MEMO1: variants seen among roughly 807,000 people sequenced by gnomAD.
MEMO1 encodes the protein mediator of cell motility 1.
A neutral mutation model predicts 45.2 loss-of-function variants in MEMO1; 6 were observed. The ratio of observed to expected loss-of-function variants is 0.13; its 90% confidence interval spans 0.07 to 0.26. The LOEUF is 0.26. MEMO1 is among the 10% of genes least tolerant of loss of function. The pLI, the probability that MEMO1 is intolerant of heterozygous loss-of-function variation, is 1.00. For missense variants in MEMO1, 184 were observed against 370.5 expected (o/e 0.50, Z 4.13); for synonymous variants, 78 against 124.3 (o/e 0.63, Z 2.48).
chr2:32,001,594 G>A (rs1673323882), intron 2 of MEMO1, among the ~76,000 whole-genome samples: 1 of 152,102 alleles, frequency 6.6e-6, no homozygotes, highest in Non-Finnish European at 1.5e-5. Flanking sequence ...GAAGTCCTGG[G>A]TTCAAATCTT....
At chr2:32,002,617 C>T (rs1177722047) in intron 2 of MEMO1, among the ~76,000 whole-genome samples, 1 of 152,060 alleles carries the variant, frequency 6.6e-6, no homozygotes, top group Non-Finnish European at 1.5e-5. Context: ...AAACAAGTTA[C>T]TCAACTTAGG....
chr2:31,995,996 T>G (rs1157913145), intron 2 of MEMO1, among the ~76,000 whole-genome samples: 6 of 152,098 alleles, frequency 3.9e-5, no homozygotes, highest in African/African-American at 1.4e-4. Context: ...ACCAAAAACT[T>G]AATACCTACC....
At chr2:31,879,890 G>T (rs970056721) in intron 8 of MEMO1, among the ~76,000 whole-genome samples, 5 of 152,086 alleles carry the variant, frequency 3.3e-5, no homozygotes, top group Admixed American at 6.5e-5. Flanking sequence ...CCTTAAATCT[G>T]TCCCTCTTAT....
intron 2 of MEMO1, among the ~76,000 whole-genome samples, chr2:32,004,225 T>A (rs559120934): frequency 6.6e-6 from 1 of 152,062 alleles, no homozygotes; most frequent in South Asian, 2.1e-4. Context: ...TTTAATTCAC[T>A]GACACACCAA....
chr2:31,969,428 T>C (rs1669041330), intron 2 of MEMO1, among the ~76,000 whole-genome samples: 1 of 150,654 alleles, frequency 6.6e-6, no homozygotes, highest in East Asian at 1.9e-4. Flanking sequence ...TATATACATA[T>C]ATGTGTGTGT....
chr2:31,969,716 C>T (rs1248599347), intron 2 of MEMO1, among the ~76,000 whole-genome samples: 1 of 147,418 alleles, frequency 6.8e-6, no homozygotes, highest in East Asian at 2.0e-4. Context: ...AACAAGCAAC[C>T]CTCCCACCTC....
At chr2:32,000,139 G>C (rs968220363) in intron 2 of MEMO1, among the ~76,000 whole-genome samples, 15 of 151,986 alleles carry the variant, frequency 9.9e-5, no homozygotes, top group Non-Finnish European at 1.5e-4. Flanking sequence ...TCCCATCTCA[G>C]CCTCCCAAAG....
chr2:31,990,654 C>T (rs1222557885), intron 2 of MEMO1, among the ~76,000 whole-genome samples: 1 of 151,216 alleles, frequency 6.6e-6, no homozygotes, highest in African/African-American at 2.4e-5. Flanking sequence ...AGTGATCTGC[C>T]CACTCAGCTC....
chr2:31,990,368 A>G (rs1671795583), intron 2 of MEMO1, among the ~76,000 whole-genome samples: 1 of 152,136 alleles, frequency 6.6e-6, no homozygotes, highest in Admixed American at 6.6e-5. Flanking sequence ...GTTAGCATGT[A>G]ATGGGTTTAT....
intron 2 of MEMO1, among the ~76,000 whole-genome samples, chr2:32,003,249 A>T (rs1673634005): frequency 6.6e-6 from 1 of 150,410 alleles, no homozygotes; most frequent in South Asian, 2.1e-4. Context: ...TTAGAAACAT[A>T]GTAGAATTAA....
chr2:31,968,932 G>A (rs539300131), intron 2 of MEMO1, among the ~76,000 whole-genome samples: 8 of 152,022 alleles, frequency 5.3e-5, no homozygotes, highest in African/African-American at 1.9e-4. Context: ...TAATAAAATT[G>A]TTAATTTTAA....
Position 31,919,512 on chromosome 2 carries a change from T to C in MEMO1, c.325+1286A>G, listed in dbSNP as rs536848897. Among the ~76,000 whole-genome samples, 8 of 152,122 alleles carry C rather than the reference T, an allele frequency of 5.3e-5. No individual in the cohort carries two copies. The South Asian group carries it at 1.7e-3, about 32-fold the overall frequency. The stretch of plus-strand genomic sequence containing the variant: ...AAATTCTTTGAAACAATAGCACCCC[T>C]AACATACTTAAAAATATAATTTGAG... On this transcript the variant is annotated intron_variant, in intron 5 of 9. Transcript: ENST00000404530.
intron 2 of MEMO1, among the ~76,000 whole-genome samples, chr2:31,972,146 T>C (rs1468788068): frequency 1.3e-5 from 2 of 152,106 alleles, no homozygotes; most frequent in Non-Finnish European, 2.9e-5. Flanking sequence ...CTCTCAAATG[T>C]TTCTATAACT....
At chr2:31,971,599 C>G (rs1198891936) in intron 2 of MEMO1, among the ~76,000 whole-genome samples, 1 of 152,048 alleles carries the variant, frequency 6.6e-6, no homozygotes, top group African/African-American at 2.4e-5. Flanking sequence ...TGAACTAGAA[C>G]TCCTAGGCTC....
At chr2:31,956,056 C>T (rs538336489) in intron 2 of MEMO1, among the ~76,000 whole-genome samples, 5 of 152,116 alleles carry the variant, frequency 3.3e-5, no homozygotes, top group African/African-American at 1.2e-4. Flanking sequence ...AAAAAGCAAC[C>T]ACCTCAAGTG....
chr2:31,993,690 G>A (rs978562828), intron 2 of MEMO1, among the ~76,000 whole-genome samples: 6 of 152,066 alleles, frequency 3.9e-5, no homozygotes, highest in Non-Finnish European at 8.8e-5. Context: ...ACTCTTCTGG[G>A]GAAAGAACAA....
chr2:31,997,822 C>A (rs1459135520), intron 2 of MEMO1, among the ~76,000 whole-genome samples: 1 of 152,142 alleles, frequency 6.6e-6, no homozygotes, highest in East Asian at 1.9e-4. Flanking sequence ...ATTATCGAAT[C>A]TACATTTTCA....
chr2:31,898,040 T>C (rs1172628533), intron 6 of MEMO1, among the ~76,000 whole-genome samples: 1 of 152,058 alleles, frequency 6.6e-6, no homozygotes, highest in African/African-American at 2.4e-5. Context: ...AGTTTGTATT[T>C]CTGTGGGATC....
intron 2 of MEMO1, among the ~76,000 whole-genome samples, chr2:31,994,637 AAAT>A (rs1169682354): frequency 6.6e-5 from 10 of 151,288 alleles, no homozygotes; most frequent in Admixed American, 1.3e-4. Context: ...TCTAAAAAAA[AAAT>A]AATAATAATA....
Sources: gnomAD v4.1 joint callset for allele counts (sites outside exome capture counted in the v4.1 genomes callset) on GRCh38, gnomAD v4.1.1 for gene constraint, MANE v1.5 for transcripts, NCBI Gene and HGNC (gene_info 2026-07-23, HGNC 2026-07-21) for gene names.